The following FAT3 variants were observed in gnomAD, a reference collection of about 807,000 sequenced individuals.
The protein encoded by FAT3 is protocadherin Fat 3.
FAT3 carries 95 observed loss-of-function variants against 310.2 expected under a neutral mutation model. The observed-to-expected ratio is 0.31, with a 90% CI of 0.26 to 0.36. The LOEUF is 0.36. FAT3 is among the 10% of genes least tolerant of loss of function. FAT3 has a pLI of 1.00. For missense variants in FAT3, 5,408 were observed against 5,715.6 expected, an observed-to-expected ratio of 0.95 and a Z score of 1.74; for synonymous variants, 2,314 against 2,192.9, an observed-to-expected ratio of 1.06 and a Z score of -1.54.
At chr11:92,482,743 T>A (rs1952266504) in intron 2 of FAT3, among the ~76,000 whole-genome samples, 1 of 152,170 alleles carries the variant, frequency 6.6e-6, no homozygotes, top group South Asian at 2.1e-4. Context: ...AGCCAGTCTC[T>A]CTCTCTCTTT....
chr11:92,406,396 C>T (rs1950137735), intron 2 of FAT3, among the ~76,000 whole-genome samples: 1 of 152,198 alleles, frequency 6.6e-6, no homozygotes. Context: ...ACCCCAGGCT[C>T]TGATAAAACT....
chr11:92,668,816 C>A (rs1248646262), intron 3 of FAT3, among the ~76,000 whole-genome samples: 2 of 152,188 alleles, frequency 1.3e-5, no homozygotes, highest in Non-Finnish European at 2.9e-5. Context: ...CTTCTGAGCA[C>A]CTTCTAAGCT....
chr11:92,847,025 A>G (rs762455135), intron 19 of FAT3, among the ~76,000 whole-genome samples: 2 of 152,322 alleles, frequency 1.3e-5, no homozygotes, highest in East Asian at 3.9e-4. Flanking sequence ...AGAGTAGCAT[A>G]CTGATTCAAG....
intron 2 of FAT3, among the ~76,000 whole-genome samples, chr11:92,380,934 TCA>T (rs771026118): frequency 1.1e-4 from 17 of 152,206 alleles, no homozygotes; most frequent in Non-Finnish European, 2.2e-4. Flanking sequence ...TTTATTACAT[TCA>T]CAGTGTTGTA....
At chr11:92,790,400 G>A (rs1414211567) in intron 8 of FAT3, among the ~76,000 whole-genome samples, 182 bp downstream of exon 8, 1 of 152,164 alleles carries the variant, frequency 6.6e-6, no homozygotes, top group Admixed American at 6.5e-5. Flanking sequence ...TTGTTAGATA[G>A]CAACTCTACA....
Position 92,806,237 on chromosome 11 carries a change from AG to A in FAT3, c.9094-123del, listed in dbSNP as rs1947503443. 1.1e-5 allele frequency: 9 copies of A among 832,484 alleles called. No individual in the cohort carries two copies. In the East Asian group the frequency reaches 2.4e-4, roughly 22 times the overall value. The allele number at this position is 832,484 out of a possible 1,614,324, so 51.6% of individuals were successfully genotyped here. ...ATATTGAAATATGTTTCTGTAGTGA[AG>A]GAAAAAAATAACAAAAGCTAAATTA... On this transcript the variant is annotated intron_variant, in intron 11 of 27. Coordinates refer to ENST00000525166, the MANE Select transcript of FAT3 (RefSeq NM_001367949.2).
intron 7 of FAT3, among the ~76,000 whole-genome samples, chr11:92,778,720 C>T (rs1204630491): frequency 2.0e-5 from 3 of 151,800 alleles, no homozygotes; most frequent in Non-Finnish European, 2.9e-5. Context: ...CAGCCAGTAA[C>T]TCTAGTTAAA....
Position 92,416,398 on chromosome 11 carries a change from GAAA to G in FAT3, c.3292+60995_3292+60997del, listed in dbSNP as rs1244692410. 5.5e-4 allele frequency among the ~76,000 whole-genome samples: 81 copies of G among 147,110 alleles called. No homozygotes were observed. In the East Asian group the frequency reaches 0.013, roughly 24 times the overall value. ...GACTCCATCTCAAAAAAAAAAAAAA[GAAA>G]GAAAGAAAAAAAACCTTCCACGTTA... On this transcript the variant is annotated intron_variant, in intron 2 of 27. Coordinates refer to ENST00000525166, the MANE Select transcript of FAT3 (RefSeq NM_001367949.2).
intron 3 of FAT3, among the ~76,000 whole-genome samples, chr11:92,571,237 T>C (rs112895810): frequency 3.9e-5 from 6 of 151,996 alleles, no homozygotes; most frequent in Non-Finnish European, 8.8e-5. Flanking sequence ...AAGATACATA[T>C]GGTTAGAGTG....
intron 3 of FAT3, among the ~76,000 whole-genome samples, chr11:92,606,488 C>T (rs1940305499): frequency 6.6e-6 from 1 of 152,162 alleles, no homozygotes; most frequent in East Asian, 1.9e-4. Flanking sequence ...TGCTTTGGGG[C>T]TGCTTCTGCT....
intron 1 of FAT3, among the ~76,000 whole-genome samples, chr11:92,334,916 C>T (rs1398415562): frequency 6.6e-6 from 1 of 152,116 alleles, no homozygotes. Flanking sequence ...GACTGCCCTG[C>T]GTGTTCACCA....
At chr11:92,423,716 G>A (rs191341519) in intron 2 of FAT3, among the ~76,000 whole-genome samples, 1 of 152,226 alleles carries the variant, frequency 6.6e-6, no homozygotes, top group African/African-American at 2.4e-5. Context: ...TAAAGAATTG[G>A]CTCACATGAT....
At chr11:92,452,932 C>T (rs1012355908) in intron 2 of FAT3, among the ~76,000 whole-genome samples, 1 of 151,962 alleles carries the variant, frequency 6.6e-6, no homozygotes, top group African/African-American at 2.4e-5. Flanking sequence ...TGCTGCCATA[C>T]CCAGCTAATT....
chr11:92,668,609 C>T (rs1192322003), intron 3 of FAT3, among the ~76,000 whole-genome samples: 1 of 152,178 alleles, frequency 6.6e-6, no homozygotes, highest in East Asian at 1.9e-4. Flanking sequence ...TTTCCTGAAC[C>T]TCACTTTTCA....
intron 4 of FAT3, among the ~76,000 whole-genome samples, chr11:92,729,723 C>G (rs1315031475): frequency 2.0e-5 from 3 of 151,612 alleles, no homozygotes; most frequent in African/African-American, 7.3e-5. Flanking sequence ...CTGCACCTGG[C>G]CCCCAGACTG....
chr11:92,443,658 A>C (rs1951132950), intron 2 of FAT3, among the ~76,000 whole-genome samples: 1 of 152,182 alleles, frequency 6.6e-6, no homozygotes, highest in African/African-American at 2.4e-5. Flanking sequence ...TCTCCTGAAG[A>C]GATTTTGCAA....
chr11:92,324,810 A>T (rs1416580750), intron 1 of FAT3, among the ~76,000 whole-genome samples: 1 of 152,226 alleles, frequency 6.6e-6, no homozygotes, highest in African/African-American at 2.4e-5. Context: ...CTGTCCATGA[A>T]TAGTGGCATC....
chr11:92,374,016 TCAGA>T (rs202193817), intron 2 of FAT3, among the ~76,000 whole-genome samples: 1,699 of 126,126 alleles, frequency 0.013, 16 homozygotes, highest in Non-Finnish European at 0.021. Flanking sequence ...CAAAGGACTC[TCAGA>T]CAGAGAGAGG....
At chr11:92,653,870 G>A (rs897397165) in intron 3 of FAT3, among the ~76,000 whole-genome samples, 7 of 152,032 alleles carry the variant, frequency 4.6e-5, no homozygotes, top group African/African-American at 7.2e-5. Context: ...AGGGTCTCTC[G>A]TGGTTCTAGA....
Sources: gnomAD v4.1 joint callset for allele counts (sites outside exome capture counted in the v4.1 genomes callset) on GRCh38, gnomAD v4.1.1 for gene constraint, MANE v1.5 for transcripts, NCBI Gene and HGNC (gene_info 2026-07-23, HGNC 2026-07-21) for gene names.